Variants in DIAPH1 observed in about 807,000 individuals in gnomAD.
DIAPH1 encodes the protein protein diaphanous homolog 1.
A neutral mutation model predicts 140.7 loss-of-function variants in DIAPH1; 46 were observed. The ratio of observed to expected loss-of-function variants is 0.33; its 90% CI spans 0.26 to 0.42. The LOEUF (loss-of-function observed/expected upper bound fraction) is 0.42, where lower values mean the gene tolerates loss of function less well. DIAPH1 is among the 10% of genes least tolerant of loss of function. The probability of loss-of-function intolerance (pLI) is 1.00; values close to 1 mark genes in which losing one functional copy is unlikely to be tolerated. For missense variants in DIAPH1, 1,310 were observed against 1,558.7 expected (o/e 0.84, Z 2.69); for synonymous variants, 565 against 551.6 (o/e 1.02, Z -0.34).
At chr5:141,617,517 T>C (rs912409349) in intron 1 of DIAPH1, among the ~76,000 whole-genome samples, 10 of 152,204 alleles carry the variant, frequency 6.6e-5, no homozygotes, top group Non-Finnish European at 1.2e-4. Context: ...TCCATCGCTT[T>C]ATCAGTTTTC....
chr5:141,518,838 C>T, intron 27 of DIAPH1: 1 of 1,122,256 alleles, frequency 8.9e-7, no homozygotes, highest in Non-Finnish European at 1.3e-6. Context: ...CAAGTCTTAA[C>T]CAGGTCTTCT....
intron 18 of DIAPH1, among the ~76,000 whole-genome samples, chr5:141,541,492 A>G (rs1665277894): frequency 1.3e-5 from 2 of 152,148 alleles, no homozygotes; most frequent in Non-Finnish European, 2.9e-5. Context: ...GTTCGAGATC[A>G]GCCTGGCCAA....
intron 1 of DIAPH1, among the ~76,000 whole-genome samples, chr5:141,616,251 T>C (rs1028914559): frequency 2.0e-5 from 3 of 152,246 alleles, no homozygotes; most frequent in African/African-American, 4.8e-5. Flanking sequence ...AGACAATTTG[T>C]GAGCTCTGTG....
intron 18 of DIAPH1, among the ~76,000 whole-genome samples, chr5:141,561,479 C>T (rs953418454): frequency 3.3e-5 from 5 of 151,470 alleles, no homozygotes; most frequent in Non-Finnish European, 7.4e-5. Context: ...GCTTGGCAGA[C>T]GAAATCTCAG....
chr5:141,588,473 G>GAAAAAAAAAAAAAAAAAAAAAAAAAA (rs368869644), intron 1 of DIAPH1, among the ~76,000 whole-genome samples: 1 of 86,644 alleles, frequency 1.2e-5, no homozygotes. Flanking sequence ...TCTTAAAAAG[G>GAAAAAAAAAAAAAAAAAAAAAAAAAA]AAAAAAAAAA....
At chr5:141,519,941 G>A (rs950511082) in intron 27 of DIAPH1, among the ~76,000 whole-genome samples, 6 of 152,174 alleles carry the variant, frequency 3.9e-5, no homozygotes, top group African/African-American at 1.4e-4. Flanking sequence ...TGTGGGAAAA[G>A]GGAACAATGT....
chr5:141,586,936 G>A (rs2099897639), intron 3 of DIAPH1, 106 bp downstream of exon 3: 3 of 1,205,832 alleles, frequency 2.5e-6, no homozygotes, highest in East Asian at 2.3e-5. Context: ...TGTTAAGCCT[G>A]GAATTCTTTG....
intron 18 of DIAPH1, among the ~76,000 whole-genome samples, chr5:141,537,262 T>C (rs2099889166): frequency 1.3e-5 from 2 of 151,676 alleles, no homozygotes; most frequent in East Asian, 3.9e-4. Context: ...GGCGGGCGGA[T>C]CACCTGAAGT....
chr5:141,566,895 A>AAATAC (rs1554206737), intron 18 of DIAPH1, among the ~76,000 whole-genome samples: 3 of 149,858 alleles, frequency 2.0e-5, no homozygotes, highest in Admixed American at 6.7e-5. Flanking sequence ...ACTCCATCTC[A>AAATAC]AAAACAAAAC....
intron 18 of DIAPH1, among the ~76,000 whole-genome samples, chr5:141,547,028 C>T (rs574376107): frequency 6.6e-6 from 1 of 152,256 alleles, no homozygotes; most frequent in Admixed American, 6.5e-5. Context: ...AAGGAACAAA[C>T]CAATAGGAAC....
Position 141,524,256 on chromosome 5 carries a change from T to C in DIAPH1, c.3575-27A>G, listed in dbSNP as rs368389251. The C allele has an allele frequency of 1.2e-5, 19 of 1,600,306 alleles. No individual in the cohort carries two copies. The African/African-American group carries it at 2.4e-4, about 20-fold the overall frequency. ...TGTTATAAAGAACAAGATGGAGATG[T>C]GAACTCTTCAGCCAGAGCAGCATGG... On this transcript the variant is annotated intron_variant, in intron 26 of 27. Transcript: ENST00000389054.
At chr5:141,559,495 A>G (rs2099893188) in intron 18 of DIAPH1, among the ~76,000 whole-genome samples, 1 of 152,252 alleles carries the variant, frequency 6.6e-6, no homozygotes, top group East Asian at 1.9e-4. Context: ...AAAGCCACAC[A>G]GAATCCCAAA....
At chr5:141,601,491 T>C (rs1038432089) in intron 1 of DIAPH1, among the ~76,000 whole-genome samples, 2 of 152,098 alleles carry the variant, frequency 1.3e-5, no homozygotes, top group Non-Finnish European at 2.9e-5. Context: ...GGTTTCGCCA[T>C]ATTGGTCAGG....
chr5:141,594,095 C>T (rs556366633), intron 1 of DIAPH1, among the ~76,000 whole-genome samples: 5 of 152,300 alleles, frequency 3.3e-5, no homozygotes, highest in African/African-American at 9.6e-5. Flanking sequence ...CCGCACCCAG[C>T]CGAGCAAGAA....
chr5:141,545,223 C>T (rs567451706), intron 18 of DIAPH1, among the ~76,000 whole-genome samples: 11 of 152,282 alleles, frequency 7.2e-5, no homozygotes, highest in Non-Finnish European at 1.5e-4. Context: ...TGGCCGTATA[C>T]ATTTGTCAGC....
At chr5:141,549,713 C>A (rs1048520729) in intron 18 of DIAPH1, among the ~76,000 whole-genome samples, 9 of 151,874 alleles carry the variant, frequency 5.9e-5, no homozygotes. Flanking sequence ...CAAAAAATAC[C>A]CAATTATTTG....
chr5:141,580,261 A>G (rs557543180), intron 8 of DIAPH1, among the ~76,000 whole-genome samples: 16 of 152,330 alleles, frequency 1.1e-4, no homozygotes, highest in African/African-American at 3.8e-4. Flanking sequence ...GCGGTGGCAG[A>G]TGTCTAGAAT....
chr5:141,546,008 T>TA (rs2099890738), intron 18 of DIAPH1, among the ~76,000 whole-genome samples: 1 of 152,100 alleles, frequency 6.6e-6, no homozygotes, highest in Admixed American at 6.6e-5. Flanking sequence ...AATCTAACTA[T>TA]AAAAAACAGA....
chr5:141,542,499 A>G (rs1019871784), intron 18 of DIAPH1, among the ~76,000 whole-genome samples: 1 of 152,226 alleles, frequency 6.6e-6, no homozygotes, highest in Non-Finnish European at 1.5e-5. Context: ...GGCATATGCA[A>G]TGGAATATTA....
Sources: allele counts gnomAD v4.1 joint callset (sites outside exome capture counted in the v4.1 genomes callset), GRCh38; gene constraint gnomAD v4.1.1; transcripts MANE v1.5; gene names NCBI Gene and HGNC (gene_info 2026-07-23, HGNC 2026-07-21).